TNFRSF12A: variants seen among roughly 807,000 people sequenced by gnomAD.
TNFRSF12A encodes the protein tumor necrosis factor receptor superfamily member 12A.
TNFRSF12A carries 13 observed loss-of-function variants against 15.5 expected under a neutral mutation model. That is an observed-to-expected ratio of 0.84 (90% CI 0.54 to 1.33). The LOEUF (loss-of-function observed/expected upper bound fraction) is 1.33. Ranked by LOEUF, TNFRSF12A falls within the 40% of genes most tolerant of loss-of-function variation. The pLI, the probability that TNFRSF12A is intolerant of heterozygous loss-of-function variation, is 0.00. For synonymous variants in TNFRSF12A, 89 were observed against 78.4 expected, an observed-to-expected ratio of 1.14 and a Z score of -0.71; for missense variants, 174 against 173.6, an observed-to-expected ratio of 1.00 and a Z score of -0.01.
In TNFRSF12A at chr16:3,022,205, A is replaced by C; in HGVS notation, c.*379A>C. 5.2e-6 allele frequency: 2 copies of C among 385,414 alleles called. No homozygotes were observed. The highest frequency in any genetic ancestry group is 4.6e-6 in the Non-Finnish European group (1 of 217,200). 23.9% of individuals were successfully genotyped at this position (385,414 alleles called of 1,614,324 possible). On this transcript the variant is annotated 3_prime_UTR_variant, in exon 4 of 4. Transcript: ENST00000326577. The stretch of plus-strand genomic sequence containing the variant: ...CACTCAGATGTCCTGAAATTCCACC[A>C]CGGGGGTCACCCTGGGGGGTTAGGG...
chr16:3,020,566 C>G, intron 1 of TNFRSF12A, 75 bp downstream of exon 1: 2 of 1,097,134 alleles, frequency 1.8e-6, no homozygotes, highest in East Asian at 6.4e-5. Context: ...AGAACAGCGC[C>G]GAACTGGGGG....
In TNFRSF12A at chr16:3,022,079, A is replaced by G. The variant is rs1257776822; in HGVS notation, c.*253A>G. ...TCACACAAAACAGCTGACACTGACT[A>G]AGGAACTGCAGCATTTGCACAGGGG... On this transcript the variant is annotated 3_prime_UTR_variant, in exon 4 of 4. Transcript: ENST00000326577. The G allele has an allele frequency of 2.0e-6, 1 of 512,816 alleles. No individual in the cohort carries two copies. The highest frequency in any genetic ancestry group is 3.4e-6 in the Non-Finnish European group (1 of 291,866). 31.8% of individuals were successfully genotyped at this position (512,816 alleles called of 1,614,324 possible). A position where few individuals can be genotyped will look rare whatever the true frequency, so the allele number is the denominator to read the frequency against.
At position 3,021,320 on chromosome 16, in the gene TNFRSF12A, G is replaced by A. The variant is rs747430049; in HGVS notation, c.199+1G>A. ...CCGCACAGCGACTTCTGCCTGGGCT[G>A]TGAGTGGGGGGCAGGGCCAGTGGCC... On this transcript the variant is annotated splice_donor_variant, in intron 2 of 3. Coordinates refer to ENST00000326577, the MANE Select transcript of TNFRSF12A (RefSeq NM_016639.3). LOFTEE classifies it high-confidence loss of function. The A allele has an allele frequency of 3.2e-6, 5 of 1,573,594 alleles. No homozygotes were observed. In the South Asian group the frequency reaches 3.4e-5, roughly 11 times the overall value.
At chr16:3,021,027 C>A in intron 1 of TNFRSF12A, 188 bp from the exon 2 acceptor site, 1 of 479,978 alleles carries the variant, frequency 2.1e-6, no homozygotes, top group Non-Finnish European at 3.7e-6. Context: ...CCCCCCCCAC[C>A]CCCAGCGTCC....
rs774084787 is a variant in TNFRSF12A at position 3,021,265 on chromosome 16, T to A, written c.145T>A (p.Cys49Ser). The part of the protein sequence containing the change: ...GSSWSADLDK[C>S]MDCASCRARP... ...CTCCTGGAGCGCGGACCTGGACAAGTGCATGGACTGCGCGTCTTGCAGGGC... is the reference window on the plus strand; with the variant it reads ...CTCCTGGAGCGCGGACCTGGACAAGAGCATGGACTGCGCGTCTTGCAGGGC... Residue 49 changes from cysteine (C) to serine (S), a missense_variant, in exon 2 of 4, where the codon TGC becomes AGC. Physicochemically the swap from Cys to Ser is moderately radical, Grantham distance 112. Transcript: ENST00000326577. 6.3e-7 allele frequency: 1 copy of A among 1,593,220 alleles called. No homozygotes were observed.
chr16:3,021,436 G>C, intron 2 of TNFRSF12A, 117 bp downstream of exon 2: 1 of 1,419,842 alleles, frequency 7.0e-7, no homozygotes, highest in Non-Finnish European at 9.3e-7. Flanking sequence ...GGAGGTGGGA[G>C]CTGGGAGGGG....
At chr16:3,021,412 G>C in intron 2 of TNFRSF12A, 93 bp downstream of exon 2, 1 of 1,425,682 alleles carries the variant, frequency 7.0e-7, no homozygotes. Context: ...TTGCATCTGG[G>C]AAATCATTCG....
At position 3,021,894 on chromosome 16, in the gene TNFRSF12A, T is replaced by A; in HGVS notation, c.*68T>A. The A allele has an allele frequency of 6.4e-7, 1 of 1,560,724 alleles. No homozygotes were observed. Among genetic ancestry groups the A allele is most frequent in the Non-Finnish European group, 8.7e-7 (1 of 1,150,712 alleles). ...ATTCATCCATTCTAGAGCCAGTCTC[T>A]GCCTCCCAGACGCGGCGGGAGCCAA... On this transcript the variant is annotated 3_prime_UTR_variant, in exon 4 of 4. Transcript: ENST00000326577.
chr16:3,021,073 C>G (rs1452956897), intron 1 of TNFRSF12A, 142 bp from the exon 2 acceptor site: 3 of 506,614 alleles, frequency 5.9e-6, no homozygotes, highest in African/African-American at 2.0e-5. Flanking sequence ...TGCCGTGTCC[C>G]GGTCGGGCCG....
At position 3,021,946 on chromosome 16, in the gene TNFRSF12A, G is replaced by C. The variant is rs1257933510; in HGVS notation, c.*120G>C. Reference sequence around the variant, plus strand: ...CTCCTCCAACCACAAGGGGGGTGGGGGGCGGTGAATCACCTCTGAGGCCTG... The same window carrying C: ...CTCCTCCAACCACAAGGGGGGTGGGCGGCGGTGAATCACCTCTGAGGCCTG... On this transcript the variant is annotated 3_prime_UTR_variant, in exon 4 of 4. Coordinates refer to ENST00000326577, the MANE Select transcript of TNFRSF12A (RefSeq NM_016639.3). 1 of 1,169,882 alleles carries C rather than the reference G, an allele frequency of 8.5e-7. No individual in the cohort carries two copies. Among genetic ancestry groups the C allele is most frequent in the South Asian group, 1.4e-5 (1 of 69,598 alleles). 72.5% of individuals were successfully genotyped at this position (1,169,882 alleles called of 1,614,324 possible). A position where few individuals can be genotyped will look rare whatever the true frequency, so the allele number is the denominator to read the frequency against.
rs2072624312 is a variant in TNFRSF12A at position 3,022,361 on chromosome 16, A to G, written c.*535A>G. On this transcript the variant is annotated 3_prime_UTR_variant, in exon 4 of 4. Transcript: ENST00000326577. ...TTTGGAGGGGAGGGAGAATTTATTA[A>G]TAAAAGAATCTTTAACTTTAAATGG... 1 of 185,704 alleles carries G rather than the reference A, an allele frequency of 5.4e-6. No homozygotes were observed. Among genetic ancestry groups the G allele is most frequent in the Non-Finnish European group, 1.1e-5 (1 of 90,716 alleles). The allele number at this position is 185,704 out of a possible 1,614,324, so 11.5% of individuals were successfully genotyped here.
Position 3,021,538 on chromosome 16 carries a change from C to T in TNFRSF12A, c.200-17C>T, listed in dbSNP as rs1256295577. 1 of 1,588,308 alleles carries T rather than the reference C, an allele frequency of 6.3e-7. No individual in the cohort carries two copies. The highest frequency in any genetic ancestry group is 1.1e-5 in the South Asian group (1 of 88,190). On this transcript the variant is annotated splice_polypyrimidine_tract_variant and intron_variant, in intron 2 of 3. Coordinates refer to ENST00000326577, the MANE Select transcript of TNFRSF12A (RefSeq NM_016639.3). ...GCCTGGAGAGGGGCGAGGTCTGACT[C>T]CGAGTCCCGCCCCCAGGCGCTGCAG...
intron 1 of TNFRSF12A, chr16:3,020,708 G>C (rs78435015): frequency 1.4e-5 from 1 of 73,160 alleles, no homozygotes; most frequent in Admixed American, 2.7e-4. Context: ...AATTGGGGTT[G>C]GGGGGGGTCT....
intron 1 of TNFRSF12A, chr16:3,020,823 C>G: frequency 2.5e-6 from 1 of 407,066 alleles, no homozygotes; most frequent in Non-Finnish European, 4.3e-6. Context: ...CGTACAGGGT[C>G]TAACTAGCCC....
chr16:3,020,559 A>G, intron 1 of TNFRSF12A, 68 bp downstream of exon 1: 1 of 1,127,902 alleles, frequency 8.9e-7, no homozygotes, highest in Non-Finnish European at 1.1e-6. Context: ...TGTCTGGAGA[A>G]CAGCGCCGAA....
Position 3,020,387 on chromosome 16 carries a change from G to A in TNFRSF12A, c.-11G>A, listed in dbSNP as rs1039736339. ...GCGGGCGCAGACAGCGGCGGGCGCA[G>A]GACGTGCACTATGGCTCGGGGCTCG... On this transcript the variant is annotated 5_prime_UTR_variant, in exon 1 of 4. Transcript: ENST00000326577. The A allele has an allele frequency of 2.8e-5, 36 of 1,290,526 alleles. No individual in the cohort carries two copies. In the African/African-American group the frequency reaches 5.1e-4, roughly 18 times the overall value. The allele number at this position is 1,290,526 out of a possible 1,614,324, so 79.9% of individuals were successfully genotyped here. A position where few individuals can be genotyped will look rare whatever the true frequency, so the allele number is the denominator to read the frequency against.
chr16:3,021,663 G>C lies in TNFRSF12A; in HGVS notation c.308G>C (p.Arg103Pro). The C allele has an allele frequency of 6.2e-7, 1 of 1,613,806 alleles. No individual in the cohort carries two copies. Among genetic ancestry groups the C allele is most frequent in the Non-Finnish European group, 8.5e-7 (1 of 1,179,974 alleles). Residue 103 changes from arginine to proline, a missense_variant, in exon 3 of 4, where the codon CGA becomes CCA. Coordinates refer to ENST00000326577, the MANE Select transcript of TNFRSF12A (RefSeq NM_016639.3). Reference sequence around the variant, plus strand: ...CTTTCTGGCTTTTTGGTCTGGAGACGATGCCGCAGGAGAGAGAAGTTCACC... The same window carrying C: ...CTTTCTGGCTTTTTGGTCTGGAGACCATGCCGCAGGAGAGAGAAGTTCACC... ...GLLSGFLVWR[R>P]CRRREKFTTP... is the part of the protein sequence containing the mutation.
chr16:3,022,261 C>A lies in TNFRSF12A; in HGVS notation c.*435C>A. The stretch of plus-strand genomic sequence containing the variant: ...TTTTTAACACTAGGGGGCTGGCCCA[C>A]TAGGAGGGCTGGCCCTAAGATACAG... On this transcript the variant is annotated 3_prime_UTR_variant, in exon 4 of 4. Transcript: ENST00000326577. The A allele has an allele frequency of 3.1e-6, 1 of 320,118 alleles. No individual in the cohort carries two copies. The highest frequency in any genetic ancestry group is 5.7e-6 in the Non-Finnish European group (1 of 176,044). The allele number at this position is 320,118 out of a possible 1,614,324, so 19.8% of individuals were successfully genotyped here. A position where few individuals can be genotyped will look rare whatever the true frequency, so the allele number is the denominator to read the frequency against.
chr16:3,021,959 C>T lies in TNFRSF12A; in HGVS notation c.*133C>T, dbSNP rs1288611544. ...AAGGGGGGTGGGGGGCGGTGAATCA[C>T]CTCTGAGGCCTGGGCCCAGGGTTCA... On this transcript the variant is annotated 3_prime_UTR_variant, in exon 4 of 4. Coordinates refer to ENST00000326577, the MANE Select transcript of TNFRSF12A (RefSeq NM_016639.3). 2 of 978,146 alleles carry T rather than the reference C, an allele frequency of 2.0e-6. No homozygotes were observed. Among genetic ancestry groups the T allele is most frequent in the Non-Finnish European group, 3.0e-6 (2 of 668,212 alleles). The allele number at this position is 978,146 out of a possible 1,614,324, so 60.6% of individuals were successfully genotyped here.
Sources: gnomAD v4.1 joint callset for allele counts on GRCh38, gnomAD v4.1.1 for gene constraint, MANE v1.5 for transcripts, NCBI Gene and HGNC (gene_info 2026-07-23, HGNC 2026-07-21) for gene names.